Variants in PSIP1 observed in about 807,000 individuals in gnomAD.
PSIP1 encodes the protein PC4 and SRSF1 interacting protein 1.
A neutral mutation model predicts 74.7 loss-of-function variants in PSIP1; 19 were observed. The ratio of observed to expected loss-of-function variants is 0.25; its 90% CI spans 0.18 to 0.37. The LOEUF is 0.37. Ranked by LOEUF, PSIP1 falls within the 10% of genes least tolerant of loss-of-function variation. The pLI is 1.00. For synonymous variants in PSIP1, 222 were observed against 195.3 expected, an observed-to-expected ratio of 1.14 and a Z score of -1.14; for missense variants, 601 against 614.3, an observed-to-expected ratio of 0.98 and a Z score of 0.23.
At chr9:15,492,388 T>A (rs2036871605) in intron 3 of PSIP1, among the ~76,000 whole-genome samples, 1 of 152,208 alleles carries the variant, frequency 6.6e-6, no homozygotes, top group African/African-American at 2.4e-5. Flanking sequence ...TCCAAAATGA[T>A]CTCCTTTGAC....
rs1207355187 is a variant in PSIP1 at position 15,510,967 on chromosome 9, T to TGCTCCCGCGCG, written c.-293_-292insCGCGCGGGAGC. 7.2e-5 allele frequency: 11 copies of TGCTCCCGCGCG among 152,944 alleles called. No individual in the cohort carries two copies. The highest frequency in any genetic ancestry group is 1.7e-4 in the African/African-American group (7 of 41,558). 9.5% of individuals were successfully genotyped at this position (152,944 alleles called of 1,614,324 possible). ...GCCGCTGCCGCCGCCGTAGCTGCGCTGCTCCCGCGCGGCTCCCGCTCGGCG... is the reference window on the plus strand; with the variant it reads ...GCCGCTGCCGCCGCCGTAGCTGCGCTGCTCCCGCGCGGCTCCCGCGCGGCTCCCGCTCGGCG... On this transcript the variant is annotated 5_prime_UTR_variant, in exon 1 of 16. Coordinates refer to ENST00000380733, the MANE Select transcript of PSIP1 (RefSeq NM_033222.5).
chr9:15,479,731 C>G (rs751975162), intron 6 of PSIP1, 44 bp from the exon 7 acceptor site: 4 of 1,519,636 alleles, frequency 2.6e-6, no homozygotes, highest in Middle Eastern at 1.7e-4. Context: ...AAATAGTAGG[C>G]ACTCAAAGTT....
intron 3 of PSIP1, among the ~76,000 whole-genome samples, chr9:15,498,668 A>T (rs1472209544): frequency 8.5e-5 from 13 of 152,080 alleles, no homozygotes; most frequent in African/African-American, 2.7e-4. Context: ...AATTACATAT[A>T]AAAAAATCCT....
intron 3 of PSIP1, among the ~76,000 whole-genome samples, chr9:15,504,533 C>T (rs527746313): frequency 3.9e-5 from 6 of 152,076 alleles, no homozygotes; most frequent in African/African-American, 9.6e-5. Flanking sequence ...GTCAGGAGAT[C>T]GAGACCATCC....
chr9:15,499,120 C>G (rs73423319), intron 3 of PSIP1, among the ~76,000 whole-genome samples: 5,774 of 152,266 alleles, frequency 0.038, 354 homozygotes, highest in African/African-American at 0.13. Flanking sequence ...AAGACTGACT[C>G]AGGCAAGGTC....
chr9:15,500,764 C>T lies in PSIP1; in HGVS notation c.149+5797G>A, dbSNP rs115480460. Reference sequence around the variant, plus strand: ...AGCACCCAACTTCTTTGCATTAAGACAATTAAGAGCAGTAAGGAGGAAAAA... The same window carrying T: ...AGCACCCAACTTCTTTGCATTAAGATAATTAAGAGCAGTAAGGAGGAAAAA... On this transcript the variant is annotated intron_variant, in intron 3 of 15. Transcript: ENST00000380733. Among the ~76,000 whole-genome samples, 273 of 152,198 alleles carry T rather than the reference C, an allele frequency of 1.8e-3. 3 individuals are homozygous for T. The highest frequency in any genetic ancestry group is 6.2e-3 in the African/African-American group (258 of 41,518).
chr9:15,493,077 T>C lies in PSIP1; in HGVS notation c.150-2953A>G, dbSNP rs149087297. Among the ~76,000 whole-genome samples, 610 of 152,338 alleles carry C rather than the reference T, an allele frequency of 4.0e-3. 4 individuals are homozygous for C. Among genetic ancestry groups the C allele is most frequent in the Admixed American group, 8.6e-3 (131 of 15,302 alleles). ...GGTGATTAGTGTTTGGCAGCCTGCT[T>C]GAATTTCTCCCTAGAAAATGGGTTT... On this transcript the variant is annotated intron_variant, in intron 3 of 15. Coordinates refer to ENST00000380733, the MANE Select transcript of PSIP1 (RefSeq NM_033222.5).
At chr9:15,500,471 C>CA (rs142387253) in intron 3 of PSIP1, among the ~76,000 whole-genome samples, 6,983 of 136,048 alleles carry the variant, frequency 0.051, 510 homozygotes, top group African/African-American at 0.17. Flanking sequence ...ACTCTGTCTC[C>CA]AAAAAAAAAA....
chr9:15,469,450 C>T lies in PSIP1; in HGVS notation c.1034-114G>A, dbSNP rs2035749735. On this transcript the variant is annotated intron_variant, in intron 11 of 15. Coordinates refer to ENST00000380733, the MANE Select transcript of PSIP1 (RefSeq NM_033222.5). Reference sequence around the variant, plus strand: ...TTAAAAAAAAAATGTTCTTAGTAATCTTTACTAAGAAGCTCAAAGATATGC... The same window carrying T: ...TTAAAAAAAAAATGTTCTTAGTAATTTTTACTAAGAAGCTCAAAGATATGC... 5 of 622,092 alleles carry T rather than the reference C, an allele frequency of 8.0e-6. No individual in the cohort carries two copies. The South Asian group carries it at 1.2e-4, about 15-fold the overall frequency. 38.5% of individuals were successfully genotyped at this position (622,092 alleles called of 1,614,324 possible).
chr9:15,490,601 TG>T lies in PSIP1; in HGVS notation c.150-478del, dbSNP rs561298899. Among the ~76,000 whole-genome samples, 1,108 of 148,176 alleles carry T rather than the reference TG, an allele frequency of 7.5e-3. 20 individuals carry two copies. The highest frequency in any genetic ancestry group is 0.027 in the African/African-American group (1,070 of 39,762). ...GAGAGGATGAGGCAGGAGAATCGCT[TG>T]AACCCGGGAGGCGGAGGTTGCAGTG... On this transcript the variant is annotated intron_variant, in intron 3 of 15. Coordinates refer to ENST00000380733, the MANE Select transcript of PSIP1 (RefSeq NM_033222.5).
chr9:15,470,581 G>A, intron 10 of PSIP1: 1 of 941,658 alleles, frequency 1.1e-6, no homozygotes, highest in Non-Finnish European at 1.3e-6. Context: ...TAGAGTTCAG[G>A]CCATATTATG....
intron 3 of PSIP1, among the ~76,000 whole-genome samples, chr9:15,503,370 A>G (rs1000626743): frequency 6.8e-6 from 1 of 147,024 alleles, no homozygotes; most frequent in Non-Finnish European, 1.5e-5. Flanking sequence ...CATCACAAAA[A>G]ATAAAAAAAT....
At chr9:15,489,535 G>C (rs1318933065) in intron 4 of PSIP1, 1 of 148,192 alleles carries the variant, frequency 6.7e-6, no homozygotes. Flanking sequence ...TTGAACCCGG[G>C]AGGCATAAGT....
chr9:15,494,109 A>G (rs1390479183), intron 3 of PSIP1, among the ~76,000 whole-genome samples: 1 of 152,186 alleles, frequency 6.6e-6, no homozygotes, highest in Non-Finnish European at 1.5e-5. Context: ...TTTCCTCTAA[A>G]ATGTACTAAA....
At chr9:15,479,557 A>G in intron 7 of PSIP1, 34 bp downstream of exon 7, 1 of 1,520,992 alleles carries the variant, frequency 6.6e-7, no homozygotes, top group Non-Finnish European at 8.9e-7. Flanking sequence ...ATTAATCACA[A>G]GCCAAACAGA....
chr9:15,479,613 A>G lies in PSIP1; in HGVS notation c.531T>C (p.Ser177=). The change falls in exon 7 of 16, where the codon AGT becomes AGC. Residue 177 remains serine, a synonymous_variant. Coordinates refer to ENST00000380733, the MANE Select transcript of PSIP1 (RefSeq NM_033222.5). Reference sequence around the variant, plus strand: ...TACCTGCAGGTCGTCCTCTTTTAGGACTCACTTTTAGATTAACAGATGCTG... The same window carrying G: ...TACCTGCAGGTCGTCCTCTTTTAGGGCTCACTTTTAGATTAACAGATGCTG... The part of the protein sequence containing the change: ...TATASVNLKV[S]PKRGRPAATE... 3.1e-6 allele frequency: 5 copies of G among 1,608,162 alleles called. No individual in the cohort carries two copies. Among genetic ancestry groups the G allele is most frequent in the Non-Finnish European group, 4.2e-6 (5 of 1,177,656 alleles).
At chr9:15,474,435 C>T (rs189979661) in intron 8 of PSIP1, among the ~76,000 whole-genome samples, 198 bp from the exon 9 acceptor site, 3 of 152,230 alleles carry the variant, frequency 2.0e-5, no homozygotes, top group African/African-American at 7.2e-5. Flanking sequence ...GGGCAGATCC[C>T]TGGCTCTTAT....
intron 3 of PSIP1, among the ~76,000 whole-genome samples, chr9:15,496,886 C>T (rs2037099314): frequency 6.6e-6 from 1 of 152,084 alleles, no homozygotes; most frequent in Non-Finnish European, 1.5e-5. Context: ...ACTACCGTCA[C>T]TCCCACTCAG....
intron 12 of PSIP1, 33 bp from the exon 13 acceptor site, chr9:15,469,091 A>G (rs1377487122): frequency 6.4e-7 from 1 of 1,564,620 alleles, no homozygotes; most frequent in East Asian, 2.2e-5. Context: ...CATAGCTGTT[A>G]ATTATCTTAA....
Sources: allele counts gnomAD v4.1 joint callset (sites outside exome capture counted in the v4.1 genomes callset), GRCh38; gene constraint gnomAD v4.1.1; transcripts MANE v1.5; gene names NCBI Gene and HGNC (gene_info 2026-07-23, HGNC 2026-07-21).